SNX16: variants seen among roughly 807,000 people sequenced by gnomAD.
SNX16 encodes sorting nexin-16.
SNX16 carries 35 observed loss-of-function variants against 36.7 expected under a neutral mutation model. The ratio of observed to expected loss-of-function variants is 0.95; its 90% confidence interval spans 0.73 to 1.27. The LOEUF (loss-of-function observed/expected upper bound fraction) is 1.27. Among genes scored for constraint, SNX16 ranks in the 50% most tolerant of loss-of-function variants. The pLI is 0.00. For synonymous variants in SNX16, 134 were observed against 132.0 expected (o/e 1.02, Z -0.10); for missense variants, 367 against 393.6 (o/e 0.93, Z 0.57).
At chr8:81,831,708 A>T (rs1811277500) in intron 2 of SNX16, among the ~76,000 whole-genome samples, 1 of 151,798 alleles carries the variant, frequency 6.6e-6, no homozygotes. Flanking sequence ...AAAAAAAAAA[A>T]AAAAGGAACT....
At chr8:81,822,935 T>TATATAC (rs1191656260) in intron 4 of SNX16, among the ~76,000 whole-genome samples, 1 of 101,856 alleles carries the variant, frequency 9.8e-6, no homozygotes, top group Admixed American at 1.1e-4. Flanking sequence ...TGTATATATA[T>TATATAC]ATATACATAT....
At chr8:81,815,285 A>T (rs2600606) in intron 5 of SNX16, 40 bp downstream of exon 5, 395,157 of 1,471,326 alleles carry the variant, frequency 0.27, 56,213 homozygotes, top group East Asian at 0.4. Flanking sequence ...TACTGCATTA[A>T]TTGTTCCTCT....
In SNX16 at chr8:81,801,499, A is replaced by T. The variant is rs150053915; in HGVS notation, c.1033T>A (p.Ter345LysextTer15). 6.4e-7 allele frequency: 1 copy of T among 1,572,158 alleles called. No homozygotes were observed. The highest frequency in any genetic ancestry group is 8.7e-7 in the Non-Finnish European group (1 of 1,154,566). Residue 345 changes from the stop codon to lysine, a stop_lost, in exon 8 of 8, where the codon TAA becomes AAA. Transcript: ENST00000345957. ...TGGAGGGAACTGCTTGTGATACATT[A>T]GTCTTCTTCAGCATCATATGCCACT... ...AEVAYDAEED[*>K]
intron 5 of SNX16, among the ~76,000 whole-genome samples, chr8:81,806,007 C>T (rs1379969534): frequency 6.6e-6 from 1 of 152,042 alleles, no homozygotes; most frequent in Non-Finnish European, 1.5e-5. Context: ...CTGAAACCTC[C>T]CCAAATAATC....
At chr8:81,841,827 C>T (rs1055869113) in intron 1 of SNX16, 7 of 152,212 alleles carry the variant, frequency 4.6e-5, no homozygotes, top group African/African-American at 1.7e-4. Flanking sequence ...GTTCGACCCT[C>T]GGAAGGTAAG....
At chr8:81,830,939 T>C (rs183693413) in intron 2 of SNX16, among the ~76,000 whole-genome samples, 30 of 152,226 alleles carry the variant, frequency 2.0e-4, no homozygotes, top group African/African-American at 7.2e-4. Context: ...TGGAAGATAA[T>C]AGAGAACCCA....
chr8:81,831,693 CAAAAAA>C (rs754113806), intron 2 of SNX16, among the ~76,000 whole-genome samples: 1 of 80,974 alleles, frequency 1.2e-5, no homozygotes, highest in Non-Finnish European at 2.5e-5. Context: ...GAGACTCCGT[CAAAAAA>C]AAAAAAAAAA....
At chr8:81,838,765 A>G (rs1811608005) in intron 2 of SNX16, among the ~76,000 whole-genome samples, 2 of 152,048 alleles carry the variant, frequency 1.3e-5, no homozygotes, top group Admixed American at 6.6e-5. Context: ...GTAATAAATC[A>G]AGCCAAATTA....
chr8:81,818,419 G>C (rs1810585966), intron 4 of SNX16, among the ~76,000 whole-genome samples: 2 of 151,968 alleles, frequency 1.3e-5, no homozygotes, highest in Non-Finnish European at 2.9e-5. Flanking sequence ...ATGTACAAAA[G>C]TTATCTTTAA....
intron 5 of SNX16, among the ~76,000 whole-genome samples, chr8:81,810,554 T>C (rs376238361): frequency 2.0e-5 from 3 of 152,210 alleles, no homozygotes; most frequent in African/African-American, 7.2e-5. Flanking sequence ...CAAATAAACA[T>C]ATATTTTCAA....
chr8:81,826,037 T>A (rs1811003207), intron 3 of SNX16, among the ~76,000 whole-genome samples: 1 of 151,560 alleles, frequency 6.6e-6, no homozygotes, highest in South Asian at 2.1e-4. Context: ...TTTTTCCCCT[T>A]AAAAAATTGT....
Position 81,823,809 on chromosome 8 carries a change from G to A in SNX16, c.594C>T (p.His198=), listed in dbSNP as rs1810885584. The A allele has an allele frequency of 6.2e-7, 1 of 1,608,816 alleles. No individual in the cohort carries two copies. The change falls in exon 4 of 8, where the codon CAC becomes CAT. Residue 198 remains histidine (H), a synonymous_variant. Transcript: ENST00000345957. ...TTACATACCAGTTAGCAATGTCCTTGTGAGCTACTAAATTTTGAAGAAACG... is the reference window on the plus strand; with the variant it reads ...TTACATACCAGTTAGCAATGTCCTTATGAGCTACTAAATTTTGAAGAAACG... ...LQAFLQNLVA[H]KDIANCLAVR...
chr8:81,834,924 C>T (rs1811426532), intron 2 of SNX16, among the ~76,000 whole-genome samples: 1 of 152,200 alleles, frequency 6.6e-6, no homozygotes, highest in Non-Finnish European at 1.5e-5. Flanking sequence ...CTAGACAGTG[C>T]CCCAGTAGGG....
chr8:81,840,516 G>A (rs547316113), intron 1 of SNX16: 1 of 152,786 alleles, frequency 6.5e-6, no homozygotes, highest in East Asian at 1.9e-4. Context: ...TAATCAGAAA[G>A]GGAGGAAATC....
chr8:81,833,759 G>A (rs1440462748), intron 2 of SNX16, among the ~76,000 whole-genome samples: 2 of 152,128 alleles, frequency 1.3e-5, no homozygotes, highest in Non-Finnish European at 1.5e-5. Flanking sequence ...CGACTTTTGT[G>A]TTCTATCTCT....
At chr8:81,825,191 A>G (rs1810956248) in intron 3 of SNX16, among the ~76,000 whole-genome samples, 1 of 152,204 alleles carries the variant, frequency 6.6e-6, no homozygotes. Context: ...GGGGAAATGT[A>G]TTCTATCTCT....
intron 2 of SNX16, among the ~76,000 whole-genome samples, chr8:81,834,495 C>G (rs143153207): frequency 2.6e-5 from 4 of 152,142 alleles, no homozygotes; most frequent in Admixed American, 2.0e-4. Context: ...AATTCTTATA[C>G]GAGACAAGAA....
In SNX16 at chr8:81,800,154, T is replaced by C. The variant is rs556392022; in HGVS notation, c.*1343A>G. Reference sequence around the variant, plus strand: ...TATATACATCAAGATACCGATAAACTTTTAGATAGTAAAGAAAAAAATGGA... The same window carrying C: ...TATATACATCAAGATACCGATAAACCTTTAGATAGTAAAGAAAAAAATGGA... On this transcript the variant is annotated 3_prime_UTR_variant, in exon 8 of 8. Coordinates refer to ENST00000345957, the MANE Select transcript of SNX16 (RefSeq NM_152836.3). 3 of 151,926 alleles carry C rather than the reference T, an allele frequency of 2.0e-5. No individual in the cohort carries two copies. Among genetic ancestry groups the C allele is most frequent in the Admixed American group, 1.3e-4 (2 of 15,272 alleles). 9.4% of individuals were successfully genotyped at this position (151,926 alleles called of 1,614,324 possible).
At chr8:81,841,142 G>A (rs190625552) in intron 1 of SNX16, among the ~76,000 whole-genome samples, 4 of 152,032 alleles carry the variant, frequency 2.6e-5, no homozygotes. Context: ...GGAGTTCGAG[G>A]CTAGCCTGGC....
Sources: gnomAD v4.1 joint callset for allele counts (sites outside exome capture counted in the v4.1 genomes callset) on GRCh38, gnomAD v4.1.1 for gene constraint, MANE v1.5 for transcripts, NCBI Gene and HGNC (gene_info 2026-07-23, HGNC 2026-07-21) for gene names.